PLEKHA5: variants seen among roughly 807,000 people sequenced by gnomAD.
PLEKHA5 encodes pleckstrin homology domain containing A5, also known as pleckstrin homology domain-containing family A member 5.
A neutral mutation model predicts 181.9 loss-of-function variants in PLEKHA5; 55 were observed. The observed-to-expected ratio is 0.30, with a 90% CI of 0.24 to 0.38. The LOEUF is 0.38. PLEKHA5 is among the 10% of genes least tolerant of loss of function. The pLI, the probability that PLEKHA5 is intolerant of heterozygous loss-of-function variation, is 1.00. For missense variants in PLEKHA5, 1,432 were observed against 1,549.5 expected, an observed-to-expected ratio of 0.92 and a Z score of 1.27; for synonymous variants, 535 against 529.4, an observed-to-expected ratio of 1.01 and a Z score of -0.15.
At chr12:19,178,109 C>T (rs996461065) in intron 3 of PLEKHA5, among the ~76,000 whole-genome samples, 5 of 152,164 alleles carry the variant, frequency 3.3e-5, no homozygotes, top group African/African-American at 1.2e-4. Context: ...GCACTCACCC[C>T]CACCCACGTT....
chr12:19,225,951 A>G (rs371668127), intron 3 of PLEKHA5, among the ~76,000 whole-genome samples: 2 of 152,356 alleles, frequency 1.3e-5, no homozygotes, highest in South Asian at 2.1e-4. Context: ...TTAAATTCCA[A>G]TGCACATCTT....
chr12:19,349,231 T>C lies in PLEKHA5; in HGVS notation c.3019+712T>C, dbSNP rs981308657. On this transcript the variant is annotated intron_variant, in intron 25 of 31. Transcript: ENST00000429027. ...TCCCAGACTCGGTGATCCTCTCACT[T>C]CAGCCTTCCAAGTAGCTGGGACTAC... Among the ~76,000 whole-genome samples, 3 of 151,998 alleles carry C rather than the reference T, an allele frequency of 2.0e-5. No individual in the cohort carries two copies. The South Asian group carries it at 6.2e-4, about 32-fold the overall frequency.
rs1403188848 is a variant in PLEKHA5 at position 19,130,129 on chromosome 12, A to G, written c.168A>G (p.Thr56=). The part of the protein sequence containing the change: ...AVVTGHRRQS[T]DLPTGWEEAY... Reference sequence around the variant, plus strand: ...TCACCGGACACCGGCGGCAGAGCACAGGTAACGCCGGGCCCAAACGGAGTT... The same window carrying G: ...TCACCGGACACCGGCGGCAGAGCACGGGTAACGCCGGGCCCAAACGGAGTT... Residue 56 remains threonine (T), a splice_region_variant and synonymous_variant, in exon 2 of 32, where the codon ACA becomes ACG. Coordinates refer to ENST00000429027, the MANE Select transcript of PLEKHA5 (RefSeq NM_001256470.2). This position sits in a 1 kb window ranked among gnomAD's most constrained non-coding sequence, Gnocchi z 4.5. 3.8e-6 allele frequency: 6 copies of G among 1,562,258 alleles called. No individual in the cohort carries two copies. Among genetic ancestry groups the G allele is most frequent in the Non-Finnish European group, 2.6e-6 (3 of 1,154,824 alleles).
intron 15 of PLEKHA5, among the ~76,000 whole-genome samples, chr12:19,311,417 T>C (rs1402076705): frequency 6.7e-6 from 1 of 149,872 alleles, no homozygotes; most frequent in Non-Finnish European, 1.5e-5. Context: ...CACTCCAGTC[T>C]GGGCAACAGA....
At chr12:19,355,523 T>C (rs996234676) in intron 26 of PLEKHA5, among the ~76,000 whole-genome samples, 15 of 151,912 alleles carry the variant, frequency 9.9e-5, no homozygotes, top group African/African-American at 3.4e-4. Flanking sequence ...GGCTAAATTT[T>C]TTTTTCTTTT....
intron 8 of PLEKHA5, among the ~76,000 whole-genome samples, chr12:19,268,496 C>G (rs766036831): frequency 2.6e-5 from 4 of 152,188 alleles, no homozygotes; most frequent in Non-Finnish European, 5.9e-5. Flanking sequence ...CACTTTCTCT[C>G]TTCTGTGATG....
At chr12:19,265,127 A>G (rs1381697258) in intron 7 of PLEKHA5, among the ~76,000 whole-genome samples, 1 of 152,362 alleles carries the variant, frequency 6.6e-6, no homozygotes, top group Admixed American at 6.5e-5. Context: ...TATAATTTAT[A>G]TAGCATAGTT....
intron 2 of PLEKHA5, chr12:19,131,026 G>A (rs150931675): frequency 3.6e-4 from 55 of 152,420 alleles, no homozygotes; most frequent in African/African-American, 1.2e-3. Context: ...AAGGCTCCTC[G>A]TAGTTTCTGT....
At chr12:19,353,445 C>G (rs577444402) in intron 25 of PLEKHA5, among the ~76,000 whole-genome samples, 2 of 152,088 alleles carry the variant, frequency 1.3e-5, no homozygotes, top group Non-Finnish European at 2.9e-5. Flanking sequence ...GCGTGAGTCA[C>G]CACGCCCAGC....
At chr12:19,172,597 T>A (rs1231639626) in intron 3 of PLEKHA5, among the ~76,000 whole-genome samples, 1 of 152,198 alleles carries the variant, frequency 6.6e-6, no homozygotes, top group Admixed American at 6.5e-5. Flanking sequence ...GCATACCTGT[T>A]AGAATGGTTC....
chr12:19,205,005 T>A (rs1442926784), intron 3 of PLEKHA5, among the ~76,000 whole-genome samples: 3 of 152,264 alleles, frequency 2.0e-5, no homozygotes, highest in East Asian at 3.9e-4. Context: ...GGGATTCTTA[T>A]GTTGACATAG....
intron 21 of PLEKHA5, among the ~76,000 whole-genome samples, chr12:19,338,586 C>T (rs544145787): frequency 2.1e-4 from 31 of 149,820 alleles, no homozygotes; most frequent in East Asian, 1.8e-3. Context: ...CCAGCCTGGG[C>T]GACAAAGGGA....
chr12:19,230,284 G>C (rs1014679310), intron 3 of PLEKHA5, among the ~76,000 whole-genome samples: 1 of 152,224 alleles, frequency 6.6e-6, no homozygotes, highest in Non-Finnish European at 1.5e-5. Context: ...AGACTCAGGA[G>C]CCCAGCTGGC....
At chr12:19,243,506 G>C (rs188835679) in intron 3 of PLEKHA5, 1 of 152,308 alleles carries the variant, frequency 6.6e-6, no homozygotes, top group African/African-American at 2.4e-5. Context: ...TTTATTGCTG[G>C]AGGTGAGGTT....
chr12:19,253,816 G>A (rs949652211), intron 3 of PLEKHA5, 124 bp from the exon 4 acceptor site: 24 of 694,872 alleles, frequency 3.5e-5, no homozygotes, highest in Middle Eastern at 4.0e-4. Context: ...ATAAAACTCC[G>A]TCTCAAAAAC....
At position 19,343,490 on chromosome 12, in the gene PLEKHA5, C is replaced by T. The variant is rs113078397; in HGVS notation, c.2662+56C>T. The stretch of plus-strand genomic sequence containing the variant: ...TGACCACAGTATTACAGTCATGTGT[C>T]GCTTGGTGACAGATTACATTCTGAG... On this transcript the variant is annotated intron_variant, in intron 22 of 31. Transcript: ENST00000429027. 1.1e-3 allele frequency: 1,045 copies of T among 954,422 alleles called. 9 individuals are homozygous for T. In the East Asian group the frequency reaches 0.021, roughly 19 times the overall value. 59.1% of individuals were successfully genotyped at this position (954,422 alleles called of 1,614,324 possible). A position where few individuals can be genotyped will look rare whatever the true frequency, so the allele number is the denominator to read the frequency against.
chr12:19,362,636 T>C (rs1291437550), intron 29 of PLEKHA5, among the ~76,000 whole-genome samples: 1 of 152,120 alleles, frequency 6.6e-6, no homozygotes, highest in African/African-American at 2.4e-5. Context: ...GGTGCATGCC[T>C]GTAGTTCCAG....
intron 31 of PLEKHA5, chr12:19,370,603 G>A (rs1171975476): frequency 6.6e-6 from 1 of 151,942 alleles, no homozygotes; most frequent in Non-Finnish European, 1.5e-5. Flanking sequence ...GGTGCTTTAG[G>A]ATTACCACCA....
intron 12 of PLEKHA5, among the ~76,000 whole-genome samples, chr12:19,286,877 G>A (rs1015968535): frequency 1.4e-4 from 21 of 150,870 alleles, no homozygotes; most frequent in African/African-American, 5.1e-4. Flanking sequence ...GCGGTAGGAG[G>A]ATCTCTTGAA....
Sources: allele counts gnomAD v4.1 joint callset (sites outside exome capture counted in the v4.1 genomes callset), GRCh38; gene constraint gnomAD v4.1.1; non-coding constraint Gnocchi (gnomAD v3.1); transcripts MANE v1.5; gene names NCBI Gene and HGNC (gene_info 2026-07-23, HGNC 2026-07-21).